The following MACROD2 variants were observed in gnomAD, a reference collection of about 807,000 sequenced individuals.
The protein encoded by MACROD2 is mono-ADP ribosylhydrolase 2, also known as ADP-ribose glycohydrolase MACROD2.
In MACROD2, 36 loss-of-function variants were observed where a neutral mutation model predicts 70.4. That is an observed-to-expected ratio of 0.51 (90% CI 0.39 to 0.68). MACROD2 has a LOEUF of 0.68. MACROD2 is among the 30% of genes least tolerant of loss of function. MACROD2 has a pLI of 0.00. For missense variants in MACROD2, 496 were observed against 538.4 expected, an observed-to-expected ratio of 0.92 and a Z score of 0.78; for synonymous variants, 172 against 178.8, an observed-to-expected ratio of 0.96 and a Z score of 0.30.
chr20:14,826,824 G>A (rs567903179), intron 5 of MACROD2, among the ~76,000 whole-genome samples: 1 of 152,190 alleles, frequency 6.6e-6, no homozygotes, highest in African/African-American at 2.4e-5. Context: ...GATTTTTCTG[G>A]TAGTTTTATA....
chr20:14,214,586 C>CTTTTTTTTTTTTTTTTTTTTTTTTTTTT (rs11479144), intron 3 of MACROD2, among the ~76,000 whole-genome samples: 1 of 131,350 alleles, frequency 7.6e-6, no homozygotes. Context: ...CAGCAATGTT[C>CTTTTTTTTTTTTTTTTTTTTTTTTTTTT]TTTTTTTTTT....
At chr20:15,325,655 C>G (rs188826902) in intron 6 of MACROD2, among the ~76,000 whole-genome samples, 1 of 152,222 alleles carries the variant, frequency 6.6e-6, no homozygotes, top group Non-Finnish European at 1.5e-5. Flanking sequence ...CAAGCTATGG[C>G]CTGTCTGCAT....
intron 5 of MACROD2, among the ~76,000 whole-genome samples, chr20:14,909,747 A>T (rs1440612227): frequency 6.6e-6 from 1 of 152,146 alleles, no homozygotes; most frequent in Non-Finnish European, 1.5e-5. Context: ...TCTGAAAAAA[A>T]CAAAACAAAA....
chr20:14,689,205 A>G (rs983715900), intron 5 of MACROD2, among the ~76,000 whole-genome samples: 3 of 152,230 alleles, frequency 2.0e-5, no homozygotes, highest in Non-Finnish European at 4.4e-5. Flanking sequence ...CAAATGTAAC[A>G]TCAGGTGTCA....
At chr20:14,947,317 G>A (rs2074440690) in intron 5 of MACROD2, among the ~76,000 whole-genome samples, 1 of 152,166 alleles carries the variant, frequency 6.6e-6, no homozygotes, top group Non-Finnish European at 1.5e-5. Context: ...TCAGAACATT[G>A]GGAAGACCAG....
intron 15 of MACROD2, among the ~76,000 whole-genome samples, chr20:15,994,972 T>C (rs916919929): frequency 5.9e-5 from 9 of 152,200 alleles, no homozygotes; most frequent in African/African-American, 2.2e-4. Context: ...GGAAATATAG[T>C]ATTATTTATT....
intron 3 of MACROD2, among the ~76,000 whole-genome samples, chr20:14,462,729 A>T (rs1184197835): frequency 6.6e-6 from 1 of 152,028 alleles, no homozygotes; most frequent in Non-Finnish European, 1.5e-5. Flanking sequence ...TAAGGAAGGG[A>T]TCCAGTTTCA....
chr20:15,233,342 T>TG (rs889078165), intron 6 of MACROD2, among the ~76,000 whole-genome samples: 1 of 151,990 alleles, frequency 6.6e-6, no homozygotes, highest in African/African-American at 2.4e-5. Context: ...CACCTTAGCC[T>TG]GGGGGAGGAG....
intron 8 of MACROD2, among the ~76,000 whole-genome samples, chr20:15,831,200 G>A (rs1384767246): frequency 6.6e-6 from 1 of 152,132 alleles, no homozygotes. Context: ...AATTACCACA[G>A]GTCATATAGA....
intron 5 of MACROD2, 109 bp from the exon 6 acceptor site, chr20:15,229,831 T>C (rs2076944113): frequency 8.6e-7 from 1 of 1,163,176 alleles, no homozygotes. Context: ...CTTAGCTTGC[T>C]TGTCTCCAGG....
Position 15,998,588 on chromosome 20 carries a change from G to T in MACROD2, c.1153+11430G>T, listed in dbSNP as rs548066422. 5.1e-5 allele frequency among the ~76,000 whole-genome samples: 7 copies of T among 137,512 alleles called. No individual in the cohort carries two copies. The Admixed American group carries it at 5.3e-4, about 10-fold the overall frequency. 90.2% of individuals were successfully genotyped at this position (137,512 alleles called of 152,430 possible). A position where few individuals can be genotyped will look rare whatever the true frequency, so the allele number is the denominator to read the frequency against. On this transcript the variant is annotated intron_variant, in intron 15 of 17. Transcript: ENST00000684519. Reference sequence around the variant, plus strand: ...TCTTTTTTTTTTTTTTTTTTGAGACGGAGTCTTGCTCTGTCCCCCAGGCTG... The same window carrying T: ...TCTTTTTTTTTTTTTTTTTTGAGACTGAGTCTTGCTCTGTCCCCCAGGCTG...
Position 15,379,405 on chromosome 20 carries a change from G to C in MACROD2, c.541-52000G>C, listed in dbSNP as rs553442071. ...ACCTAATATTTGCCACTCTCAACTT[G>C]TCATTTCCACTTGGCATAGTCTTGG... On this transcript the variant is annotated intron_variant, in intron 6 of 17. Coordinates refer to ENST00000684519, the MANE Select transcript of MACROD2 (RefSeq NM_001351661.2). Among the ~76,000 whole-genome samples the C allele has an allele frequency of 3.7e-3, 568 of 151,750 alleles. 2 individuals carry two copies. The highest frequency in any genetic ancestry group is 5.2e-3 in the Non-Finnish European group (356 of 67,970).
intron 5 of MACROD2, among the ~76,000 whole-genome samples, chr20:14,996,213 C>T (rs2074948123): frequency 1.3e-5 from 2 of 152,184 alleles, no homozygotes; most frequent in Admixed American, 1.3e-4. Context: ...GTCTCACGGG[C>T]CAGTGTGCTC....
chr20:14,837,965 C>G (rs796440590), intron 5 of MACROD2, among the ~76,000 whole-genome samples: 48 of 106,532 alleles, frequency 4.5e-4, no homozygotes, highest in African/African-American at 1.5e-3. Flanking sequence ...CAAAACAAAA[C>G]AAAACAAACA....
At chr20:14,785,842 A>G (rs2072363532) in intron 5 of MACROD2, among the ~76,000 whole-genome samples, 1 of 152,050 alleles carries the variant, frequency 6.6e-6, no homozygotes, top group South Asian at 2.1e-4. Flanking sequence ...CCTCATGGTC[A>G]CAGATGACTT....
At chr20:14,784,837 C>G (rs2072347832) in intron 5 of MACROD2, among the ~76,000 whole-genome samples, 1 of 151,904 alleles carries the variant, frequency 6.6e-6, no homozygotes, top group African/African-American at 2.4e-5. Context: ...GTAACAGCCT[C>G]TCTTAGTTAT....
rs182158155 is a variant in MACROD2, at chr20:14,746,654, T to G, written c.418+61695T>G. On this transcript the variant is annotated intron_variant, in intron 5 of 17. Coordinates refer to ENST00000684519, the MANE Select transcript of MACROD2 (RefSeq NM_001351661.2). ...TCTCTTATGGCCTAATGTAAAATAA[T>G]GAATCAAATTTCCCCAGTGCTGAAA... is the stretch of plus-strand genomic sequence containing the variant. 8.5e-4 allele frequency among the ~76,000 whole-genome samples: 129 copies of G among 152,234 alleles called. 1 individual carries two copies. The highest frequency in any genetic ancestry group is 1.5e-3 in the Non-Finnish European group (104 of 68,008).
intron 8 of MACROD2, among the ~76,000 whole-genome samples, chr20:15,745,441 G>C (rs576964760): frequency 6.6e-6 from 1 of 151,964 alleles, no homozygotes; most frequent in Non-Finnish European, 1.5e-5. Flanking sequence ...TTTTCTTTAG[G>C]ATGGTCAACC....
intron 6 of MACROD2, among the ~76,000 whole-genome samples, chr20:15,301,232 G>T (rs1454656442): frequency 2.0e-5 from 3 of 152,210 alleles, no homozygotes; most frequent in Non-Finnish European, 4.4e-5. Flanking sequence ...TGTAGGAAGA[G>T]GATATAAGTC....
Sources: allele counts gnomAD v4.1 joint callset (sites outside exome capture counted in the v4.1 genomes callset), GRCh38; gene constraint gnomAD v4.1.1; transcripts MANE v1.5; gene names NCBI Gene and HGNC (gene_info 2026-07-23, HGNC 2026-07-21).